The following MMEL1 variants were observed in gnomAD, a reference collection of about 807,000 sequenced individuals.
MMEL1 encodes the protein membrane metallo-endopeptidase-like 1.
Under a neutral mutation model 117.1 loss-of-function variants are expected in MMEL1, and 98 were observed. The observed-to-expected ratio is 0.84, with a 90% CI of 0.71 to 0.99. MMEL1 has a LOEUF of 0.99. MMEL1 is among the 50% of genes least tolerant of loss of function. MMEL1 has a pLI of 0.00. For synonymous variants in MMEL1, 390 were observed against 415.1 expected (o/e 0.94, Z 0.74); for missense variants, 1,014 against 1,049.1 (o/e 0.97, Z 0.46).
At position 2,612,154 on chromosome 1, in the gene MMEL1, TCTC is replaced by T; in HGVS notation, c.202_204del (p.Glu68del). 1 of 1,582,130 alleles carries T rather than the reference TCTC, an allele frequency of 6.3e-7. No individual in the cohort carries two copies. The highest frequency in any genetic ancestry group is 1.7e-4 in the Middle Eastern group (1 of 6,028). On this transcript the variant is annotated inframe_deletion, in exon 3 of 24. Transcript: ENST00000378412. This position sits in a 1 kb window ranked among gnomAD's most constrained non-coding sequence, Gnocchi z 5.4. ...CGGGGTTTTCGTTTTACAAAGGTCC[TCTC>T]CTCCTGTAAGAAGCACAGCCGGCTA...
At chr1:2,592,092 C>T (rs1644728886) in intron 21 of MMEL1, 65 bp from the exon 22 acceptor site, 1 of 1,369,068 alleles carries the variant, frequency 7.3e-7, no homozygotes, top group African/African-American at 1.4e-5. Flanking sequence ...CCTCAGATCT[C>T]AGGGCAGAGC....
At chr1:2,621,664 A>C (rs1247501077) in intron 2 of MMEL1, among the ~76,000 whole-genome samples, 1 of 152,080 alleles carries the variant, frequency 6.6e-6, no homozygotes, top group Non-Finnish European at 1.5e-5. Flanking sequence ...CTCAGGTTCA[A>C]GTGATTCTCC....
At chr1:2,630,498 G>C (rs1395091852) in intron 1 of MMEL1, among the ~76,000 whole-genome samples, 1 of 152,036 alleles carries the variant, frequency 6.6e-6, no homozygotes, top group Non-Finnish European at 1.5e-5. Context: ...GTGTGTGCGT[G>C]TGCTCTCGTG....
At position 2,590,858 on chromosome 1, in the gene MMEL1, A is replaced by G; in HGVS notation, c.*132T>C. 1 of 649,462 alleles carries G rather than the reference A, an allele frequency of 1.5e-6. No individual in the cohort carries two copies. The highest frequency in any genetic ancestry group is 2.3e-6 in the Non-Finnish European group (1 of 428,762). The allele number at this position is 649,462 out of a possible 1,614,324, so 40.2% of individuals were successfully genotyped here. Reference sequence around the variant, plus strand: ...GGTGGCTGCACCCTAGGCCAGGCGCAGAGGCCTGGCAGGCAGGCTTGGCAT... The same window carrying G: ...GGTGGCTGCACCCTAGGCCAGGCGCGGAGGCCTGGCAGGCAGGCTTGGCAT... On this transcript the variant is annotated 3_prime_UTR_variant, in exon 24 of 24. Transcript: ENST00000378412.
intron 11 of MMEL1, among the ~76,000 whole-genome samples, chr1:2,600,572 GTATTCC>G (rs1644915087): frequency 6.6e-6 from 1 of 152,020 alleles, no homozygotes; most frequent in Non-Finnish European, 1.5e-5. Flanking sequence ...TGGTCATGGT[GTATTCC>G]TGTGGTCGCA....
chr1:2,599,592 T>G (rs1023609660), intron 11 of MMEL1, among the ~76,000 whole-genome samples: 1 of 152,254 alleles, frequency 6.6e-6, no homozygotes, highest in African/African-American at 2.4e-5. Context: ...CCACAGTGGC[T>G]CACGCCTGTA....
Position 2,595,617 on chromosome 1 carries a change from G to T in MMEL1, c.1501-258C>A, listed in dbSNP as rs1267354479. On this transcript the variant is annotated intron_variant, in intron 15 of 23. Transcript: ENST00000378412. This position sits in a 1 kb window ranked among gnomAD's most constrained non-coding sequence, Gnocchi z 4.8. ...GCCCAACAGCCCGCCAGGGGTCCGG[G>T]TGGGGGCAGGGGCCCTGGAGGGGTC... 6.6e-6 allele frequency among the ~76,000 whole-genome samples: 1 copy of T among 152,134 alleles called. No individual in the cohort carries two copies. Among genetic ancestry groups the T allele is most frequent in the Non-Finnish European group, 1.5e-5 (1 of 68,016 alleles).
chr1:2,617,306 A>G (rs1405760493), intron 2 of MMEL1, among the ~76,000 whole-genome samples: 1 of 151,688 alleles, frequency 6.6e-6, no homozygotes, highest in African/African-American at 2.4e-5. Context: ...GGGCGCCTGT[A>G]GTCCCAGCTA....
At position 2,590,913 on chromosome 1, in the gene MMEL1, C is replaced by A; in HGVS notation, c.*77G>T. 8.6e-7 allele frequency: 1 copy of A among 1,160,452 alleles called. No homozygotes were observed. The highest frequency in any genetic ancestry group is 1.1e-6 in the Non-Finnish European group (1 of 883,344). 71.9% of individuals were successfully genotyped at this position (1,160,452 alleles called of 1,614,324 possible). On this transcript the variant is annotated 3_prime_UTR_variant, in exon 24 of 24. Transcript: ENST00000378412. The stretch of plus-strand genomic sequence containing the variant: ...GGCCGGGGCGGGACGTACACTGGGT[C>A]GCCGCTAGCTGCACCTTCGCACAGA...
intron 11 of MMEL1, among the ~76,000 whole-genome samples, chr1:2,599,369 TA>T (rs1644895581): frequency 6.6e-6 from 1 of 152,242 alleles, no homozygotes; most frequent in Non-Finnish European, 1.5e-5. Flanking sequence ...CATACTTGTA[TA>T]AAATGCTAAT....
At chr1:2,630,842 A>C (rs571542424) in intron 1 of MMEL1, among the ~76,000 whole-genome samples, 1 of 140,090 alleles carries the variant, frequency 7.1e-6, no homozygotes, top group African/African-American at 2.7e-5. Context: ...GTGCGTGGAT[A>C]TGCACCTGTG....
chr1:2,592,848 C>G lies in MMEL1; in HGVS notation c.1986G>C (p.Leu662=). 1 of 1,613,684 alleles carries G rather than the reference C, an allele frequency of 6.2e-7. No individual in the cohort carries two copies. The highest frequency in any genetic ancestry group is 1.1e-5 in the South Asian group (1 of 91,074). ...IYQYGNYSWD[L]ADEQNVNGFN... is the part of the protein sequence containing the mutation. ...CAGCGCTCACGTTCTGTTCGTCTGC[C>G]AGGTCCCAGGAGTAGTTGCCGTACT... The change falls in exon 20 of 24, where the codon CTG becomes CTC. Residue 662 remains leucine (L), a synonymous_variant. Coordinates refer to ENST00000378412, the MANE Select transcript of MMEL1 (RefSeq NM_033467.4).
rs925099297 is a variant in MMEL1 at position 2,592,179 on chromosome 1, G to A, written c.2068-152C>T. On this transcript the variant is annotated intron_variant, in intron 21 of 23. Transcript: ENST00000378412. ...CCCTTCACACACCCCACGGATGAGC[G>A]CTCACCACCTCAGTCACTCAGGGAC... 3.2e-5 allele frequency: 21 copies of A among 650,434 alleles called. 2 individuals carry two copies. Among genetic ancestry groups the A allele is most frequent in the Middle Eastern group, 4.2e-4 (1 of 2,384 alleles). 40.3% of individuals were successfully genotyped at this position (650,434 alleles called of 1,614,324 possible). A position where few individuals can be genotyped will look rare whatever the true frequency, so the allele number is the denominator to read the frequency against.
At chr1:2,593,965 G>C in intron 18 of MMEL1, 32 bp from the exon 19 acceptor site, 1 of 1,565,166 alleles carries the variant, frequency 6.4e-7, no homozygotes, top group East Asian at 2.3e-5. Flanking sequence ...AGAATAAGCT[G>C]TGAGTGGACA....
chr1:2,602,110 C>T (rs910462669), intron 11 of MMEL1, among the ~76,000 whole-genome samples: 4 of 55,194 alleles, frequency 7.2e-5, no homozygotes, highest in Admixed American at 2.0e-4. Flanking sequence ...CCCGAGTTGT[C>T]GCATGTTCTT....
intron 6 of MMEL1, among the ~76,000 whole-genome samples, chr1:2,607,918 C>T (rs1212350659): frequency 1.3e-5 from 2 of 152,128 alleles, no homozygotes; most frequent in Non-Finnish European, 2.9e-5. Flanking sequence ...TGGGGAGTGC[C>T]GTCTGACCTC....
chr1:2,609,925 G>C, intron 4 of MMEL1, 94 bp from the exon 5 acceptor site: 1 of 1,405,188 alleles, frequency 7.1e-7, no homozygotes, highest in Non-Finnish European at 9.6e-7. Flanking sequence ...ACACAGCCTG[G>C]TCCCTTGGGA....
At chr1:2,591,873 G>A in intron 22 of MMEL1, 59 bp downstream of exon 22, 1 of 1,515,522 alleles carries the variant, frequency 6.6e-7, no homozygotes, top group Admixed American at 1.7e-5. Flanking sequence ...CCCAGAGTGG[G>A]CCCTCCAGAG....
chr1:2,628,721 G>T (rs965898040), intron 2 of MMEL1, among the ~76,000 whole-genome samples: 1 of 151,132 alleles, frequency 6.6e-6, no homozygotes, highest in African/African-American at 2.5e-5. Context: ...GGGGCGGGGG[G>T]AGTGTTCCCG....
Sources: allele counts gnomAD v4.1 joint callset (sites outside exome capture counted in the v4.1 genomes callset), GRCh38; gene constraint gnomAD v4.1.1; non-coding constraint Gnocchi (gnomAD v3.1); transcripts MANE v1.5; gene names NCBI Gene and HGNC (gene_info 2026-07-23, HGNC 2026-07-21).